The following PINX1 variants were observed in gnomAD, a reference collection of about 807,000 sequenced individuals.
PINX1 encodes PIN2 (TERF1) interacting telomerase inhibitor 1.
PINX1 carries 34 observed loss-of-function variants against 25.4 expected under a neutral mutation model. That is an observed-to-expected ratio of 1.34 (90% confidence interval 1.02 to 1.78). The LOEUF (loss-of-function observed/expected upper bound fraction) is 1.78, where lower values mean the gene tolerates loss of function less well. PINX1 is among the 40% of genes most tolerant of loss of function. PINX1 has a pLI of 0.00. For synonymous variants in PINX1, 197 were observed against 147.7 expected, an observed-to-expected ratio of 1.33 and a Z score of -2.42; for missense variants, 592 against 404.9, an observed-to-expected ratio of 1.46 and a Z score of -3.97.
intron 6 of PINX1, among the ~76,000 whole-genome samples, chr8:10,800,775 T>A (rs1802241780): frequency 6.6e-6 from 1 of 152,120 alleles, no homozygotes; most frequent in Admixed American, 6.5e-5. Context: ...CGGCCAAGAA[T>A]AAAGTAAAAT....
At chr8:10,778,969 G>A (rs1013883010) in intron 6 of PINX1, among the ~76,000 whole-genome samples, 2 of 152,194 alleles carry the variant, frequency 1.3e-5, no homozygotes, top group Admixed American at 6.5e-5. Flanking sequence ...CTTGCAGAGC[G>A]CCTCTGGGAG....
At position 10,765,912 on chromosome 8, in the gene PINX1, T is replaced by A; in HGVS notation, c.476A>T (p.Asp159Val). 2.5e-6 allele frequency: 4 copies of A among 1,613,406 alleles called. No homozygotes were observed. Among genetic ancestry groups the A allele is most frequent in the African/African-American group, 1.3e-5 (1 of 74,972 alleles). ...CTCCTCTGGAGTGGAGGGACTGGCA[T>A]CGCCCTATGGTGGGCAGAAGAGTTA... ...KRQSKKTPEG[D>V]ASPSTPEENE... The change falls in exon 7 of 7, where the codon GAT (aspartate) becomes GTT (valine). Residue 159 changes from aspartate to valine, a missense_variant. Physicochemically the swap from Asp to Val is radical, Grantham distance 152. Transcript: ENST00000314787.
intron 6 of PINX1, among the ~76,000 whole-genome samples, chr8:10,766,514 G>T (rs1363233394): frequency 1.3e-5 from 2 of 152,200 alleles, no homozygotes; most frequent in Admixed American, 1.3e-4. Context: ...AGCTGCTCCT[G>T]AAGGGAGGGC....
chr8:10,793,547 C>A (rs929553571), intron 6 of PINX1, among the ~76,000 whole-genome samples: 1 of 152,194 alleles, frequency 6.6e-6, no homozygotes, highest in Admixed American at 6.5e-5. Flanking sequence ...AGCATGCAGC[C>A]CACCCGCCAT....
chr8:10,839,304 T>A (rs1798498157), intron 1 of PINX1, among the ~76,000 whole-genome samples: 1 of 152,212 alleles, frequency 6.6e-6, no homozygotes, highest in Non-Finnish European at 1.5e-5. Context: ...CTTTTTCTTT[T>A]TCTGGGTCCA....
intron 6 of PINX1, among the ~76,000 whole-genome samples, chr8:10,776,043 T>C (rs1801382140): frequency 6.6e-6 from 1 of 152,146 alleles, no homozygotes; most frequent in Non-Finnish European, 1.5e-5. Flanking sequence ...AGCTACATTT[T>C]TAAGGTCCAT....
chr8:10,797,541 G>A (rs769020107), intron 6 of PINX1, among the ~76,000 whole-genome samples: 22 of 152,326 alleles, frequency 1.4e-4, no homozygotes, highest in Middle Eastern at 3.4e-3. Context: ...CCTAAGTCAT[G>A]TAGATTACTG....
At chr8:10,825,465 G>C in intron 5 of PINX1, 1 of 534,698 alleles carries the variant, frequency 1.9e-6, no homozygotes, top group South Asian at 1.4e-5. Flanking sequence ...AAACTGGGGA[G>C]TTGGTTCTAT....
At chr8:10,776,423 C>CAATAAATAAATAAATA (rs201127460) in intron 6 of PINX1, among the ~76,000 whole-genome samples, 1 of 145,006 alleles carries the variant, frequency 6.9e-6, no homozygotes, top group African/African-American at 2.6e-5. Flanking sequence ...AGACTCCGCT[C>CAATAAATAAATAAATA]AATAAATAAA....
chr8:10,780,338 CACTA>C (rs1169398567), intron 6 of PINX1, among the ~76,000 whole-genome samples: 3 of 152,150 alleles, frequency 2.0e-5, no homozygotes, highest in Non-Finnish European at 4.4e-5. Context: ...TCAGTTATGA[CACTA>C]ACTATGGGTT....
intron 6 of PINX1, 132 bp from the exon 7 acceptor site, chr8:10,766,048 G>C (rs1020998609): frequency 1.2e-6 from 1 of 815,154 alleles, no homozygotes; most frequent in Non-Finnish European, 2.0e-6. Context: ...ACCCACACCC[G>C]GCACTTAGGA....
At chr8:10,836,687 G>GGC (rs1798416730) in intron 1 of PINX1, among the ~76,000 whole-genome samples, 1 of 103,106 alleles carries the variant, frequency 9.7e-6, no homozygotes, top group African/African-American at 3.4e-5. Context: ...CAAGGATGTT[G>GGC]GGGGGGCGGG....
intron 6 of PINX1, among the ~76,000 whole-genome samples, chr8:10,792,029 C>G (rs1365911943): frequency 6.6e-6 from 1 of 152,206 alleles, no homozygotes; most frequent in Non-Finnish European, 1.5e-5. Flanking sequence ...CCCCCTCTCT[C>G]CCGCTCAGGA....
chr8:10,832,722 G>T (rs1798259061), intron 3 of PINX1, among the ~76,000 whole-genome samples, 170 bp downstream of exon 3: 1 of 152,200 alleles, frequency 6.6e-6, no homozygotes. Context: ...GTAGGCCACT[G>T]ACTCTGAGTT....
intron 6 of PINX1, among the ~76,000 whole-genome samples, chr8:10,805,290 A>G (rs1802405178): frequency 6.6e-6 from 1 of 152,268 alleles, no homozygotes; most frequent in Non-Finnish European, 1.5e-5. Flanking sequence ...CGTCAGGGTA[A>G]TAACAACCAG....
At chr8:10,772,365 G>A (rs1363119782) in intron 6 of PINX1, among the ~76,000 whole-genome samples, 1 of 152,244 alleles carries the variant, frequency 6.6e-6, no homozygotes, top group African/African-American at 2.4e-5. Flanking sequence ...ATTCACGGCC[G>A]TTCGTTGGAA....
At chr8:10,796,988 A>G (rs1802104106) in intron 6 of PINX1, among the ~76,000 whole-genome samples, 1 of 152,012 alleles carries the variant, frequency 6.6e-6, no homozygotes, top group Non-Finnish European at 1.5e-5. Flanking sequence ...TCTGCCCTAC[A>G]GCAATGCTGA....
At chr8:10,836,283 C>T (rs1798404490) in intron 1 of PINX1, among the ~76,000 whole-genome samples, 1 of 151,842 alleles carries the variant, frequency 6.6e-6, no homozygotes, top group African/African-American at 2.4e-5. Flanking sequence ...TAGTGTTTTG[C>T]AGAAAAAAAA....
intron 6 of PINX1, among the ~76,000 whole-genome samples, chr8:10,774,984 C>A (rs1801342477): frequency 6.6e-6 from 1 of 152,036 alleles, no homozygotes; most frequent in East Asian, 1.9e-4. Flanking sequence ...AGGCAATATA[C>A]CGGCACAACT....
Sources: allele counts gnomAD v4.1 joint callset (sites outside exome capture counted in the v4.1 genomes callset), GRCh38; gene constraint gnomAD v4.1.1; transcripts MANE v1.5; gene names NCBI Gene and HGNC (gene_info 2026-07-23, HGNC 2026-07-21).